PLD1: variants seen among roughly 807,000 people sequenced by gnomAD.
PLD1 encodes choline phosphatase 1.
In PLD1, 112 loss-of-function variants were observed where a neutral mutation model predicts 137.1. The ratio of observed to expected loss-of-function variants is 0.82; its 90% CI spans 0.70 to 0.96. The LOEUF (loss-of-function observed/expected upper bound fraction) is 0.96, where lower values mean the gene tolerates loss of function less well. PLD1 is among the 40% of genes least tolerant of loss of function. PLD1 has a pLI of 0.00. For missense variants in PLD1, 1,321 were observed against 1,342.0 expected (o/e 0.98, Z 0.24); for synonymous variants, 431 against 454.7 (o/e 0.95, Z 0.66).
At chr3:171,794,864 C>A (rs934887077) in intron 1 of PLD1, among the ~76,000 whole-genome samples, 1 of 152,108 alleles carries the variant, frequency 6.6e-6, no homozygotes, top group Admixed American at 6.6e-5. Context: ...TCAAAAAAAA[C>A]CAACAGAAAT....
chr3:171,791,700 G>A (rs1167693473), intron 1 of PLD1: 2 of 152,248 alleles, frequency 1.3e-5, no homozygotes, highest in South Asian at 4.1e-4. Flanking sequence ...TCGAAGTATT[G>A]ACATGATATA....
intron 23 of PLD1, among the ~76,000 whole-genome samples, chr3:171,631,363 A>G (rs1260971293): frequency 6.6e-6 from 1 of 152,184 alleles, no homozygotes; most frequent in East Asian, 1.9e-4. Flanking sequence ...GAAAGGAGCT[A>G]TAAACATAAA....
intron 9 of PLD1, among the ~76,000 whole-genome samples, chr3:171,713,630 TTAG>T (rs1174007412): frequency 6.6e-6 from 1 of 152,238 alleles, no homozygotes; most frequent in East Asian, 1.9e-4. Flanking sequence ...ATCTATCTGT[TTAG>T]TAAACTGGCA....
chr3:171,640,596 G>T (rs9837034), intron 23 of PLD1, among the ~76,000 whole-genome samples: 26,378 of 152,160 alleles, frequency 0.17, 2,395 homozygotes, highest in South Asian at 0.23. Context: ...CTGTGTATGT[G>T]TGTGAGGGCC....
intron 21 of PLD1, among the ~76,000 whole-genome samples, chr3:171,650,015 A>AT (rs1031041191): frequency 1.3e-5 from 2 of 152,050 alleles, no homozygotes; most frequent in Admixed American, 6.6e-5. Context: ...ACATTAAATC[A>AT]TTTTTCCCTT....
intron 7 of PLD1, among the ~76,000 whole-genome samples, chr3:171,725,084 C>T (rs1279504903): frequency 6.6e-6 from 1 of 152,086 alleles, no homozygotes; most frequent in Non-Finnish European, 1.5e-5. Flanking sequence ...TTGAGTGTTC[C>T]CGTTAACTCG....
At chr3:171,662,019 G>A in intron 20 of PLD1, 41 bp downstream of exon 20, 1 of 1,093,372 alleles carries the variant, frequency 9.1e-7, no homozygotes, top group Non-Finnish European at 1.4e-6. Context: ...ATATTTAAGG[G>A]AAGGCAGTTT....
chr3:171,606,039 G>C (rs2108254224), intron 25 of PLD1, among the ~76,000 whole-genome samples: 1 of 152,280 alleles, frequency 6.6e-6, no homozygotes. Flanking sequence ...CACTCTGGGG[G>C]GCAAGGGTTG....
chr3:171,605,483 A>G (rs1442487820), intron 25 of PLD1, 67 bp from the exon 26 acceptor site: 1 of 857,160 alleles, frequency 1.2e-6, no homozygotes, highest in Non-Finnish European at 2.0e-6. Flanking sequence ...ATATATGTCT[A>G]TTATATCTAT....
At chr3:171,735,161 C>T (rs957523319) in intron 4 of PLD1, among the ~76,000 whole-genome samples, 191 bp from the exon 5 acceptor site, 1 of 152,150 alleles carries the variant, frequency 6.6e-6, no homozygotes, top group African/African-American at 2.4e-5. Context: ...ATTGGATGTA[C>T]TCTGTCACCC....
intron 23 of PLD1, among the ~76,000 whole-genome samples, chr3:171,625,061 TA>T (rs146862287): frequency 6.1e-5 from 9 of 147,568 alleles, no homozygotes; most frequent in Admixed American, 1.4e-4. Context: ...AAGAGAGATT[TA>T]AAAAAAAAAC....
At chr3:171,701,166 C>T (rs1033001299) in intron 11 of PLD1, among the ~76,000 whole-genome samples, 22 of 152,082 alleles carry the variant, frequency 1.4e-4, no homozygotes, top group Admixed American at 3.9e-4. Context: ...CTAAAGGAAA[C>T]GTTATTGGGT....
chr3:171,712,278 C>T (rs1056957713), intron 9 of PLD1, among the ~76,000 whole-genome samples: 1 of 152,128 alleles, frequency 6.6e-6, no homozygotes, highest in Non-Finnish European at 1.5e-5. Context: ...ATCCCCATCG[C>T]GTGTGGTGGA....
chr3:171,654,452 G>A (rs993548386), intron 21 of PLD1, among the ~76,000 whole-genome samples: 2 of 152,122 alleles, frequency 1.3e-5, no homozygotes, highest in African/African-American at 4.8e-5. Context: ...TGTGTCAACT[G>A]TTTGTTGCTA....
chr3:171,682,744 G>A, intron 16 of PLD1, among the ~76,000 whole-genome samples: 1 of 152,098 alleles, frequency 6.6e-6, no homozygotes, highest in Non-Finnish European at 1.5e-5. Context: ...TGGTTGAAGA[G>A]GTACCAATAG....
At position 171,762,895 on chromosome 3, in the gene PLD1, A is replaced by G. The variant is rs149313672; in HGVS notation, c.-31-24813T>C. ...AGTTTAACATGTGTGAGAACATTCT[A>G]TAAAACAGAACTATTAACAAGAAAA... is the stretch of plus-strand genomic sequence containing the variant. On this transcript the variant is annotated intron_variant, in intron 1 of 26. Coordinates refer to ENST00000351298, the MANE Select transcript of PLD1 (RefSeq NM_002662.5). 4.4e-3 allele frequency among the ~76,000 whole-genome samples: 671 copies of G among 152,362 alleles called. 1 individual carries two copies. The highest frequency in any genetic ancestry group is 0.016 in the African/African-American group (646 of 41,594).
chr3:171,742,596 A>ATT (rs1358836630), intron 1 of PLD1, among the ~76,000 whole-genome samples: 1 of 152,202 alleles, frequency 6.6e-6, no homozygotes, highest in Non-Finnish European at 1.5e-5. Context: ...AAAAATTATG[A>ATT]TTAGATAGTT....
chr3:171,793,556 T>C (rs1460000734), intron 1 of PLD1: 1 of 152,168 alleles, frequency 6.6e-6, no homozygotes, highest in Non-Finnish European at 1.5e-5. Context: ...GGTCCAAAAA[T>C]ATTATATCGC....
chr3:171,674,716 G>C (rs960766011), intron 18 of PLD1, 103 bp from the exon 19 acceptor site: 4 of 604,926 alleles, frequency 6.6e-6, no homozygotes, highest in Admixed American at 5.6e-5. Context: ...AGTGGCTCAC[G>C]CCTGTAATCC....
Sources: allele counts gnomAD v4.1 joint callset (sites outside exome capture counted in the v4.1 genomes callset), GRCh38; gene constraint gnomAD v4.1.1; transcripts MANE v1.5; gene names NCBI Gene and HGNC (gene_info 2026-07-23, HGNC 2026-07-21).